The following STXBP5 variants were observed in gnomAD, a reference collection of about 807,000 sequenced individuals.
The protein encoded by STXBP5 is syntaxin binding protein 5.
Under a neutral mutation model 152.4 loss-of-function variants are expected in STXBP5, and 50 were observed. The ratio of observed to expected loss-of-function variants is 0.33; its 90% CI spans 0.26 to 0.42. STXBP5 has a LOEUF of 0.42. Ranked by LOEUF, STXBP5 falls within the 10% of genes least tolerant of loss-of-function variation. The pLI is 1.00. For synonymous variants in STXBP5, 492 were observed against 494.7 expected (o/e 0.99, Z 0.07); for missense variants, 1,167 against 1,388.6 (o/e 0.84, Z 2.54).
intron 19 of STXBP5, among the ~76,000 whole-genome samples, chr6:147,335,882 G>C (rs551743551): frequency 2.9e-4 from 44 of 152,298 alleles, no homozygotes; most frequent in Non-Finnish European, 3.4e-4. Context: ...ACATGGTTCA[G>C]CATTTTCAAA....
intron 2 of STXBP5, among the ~76,000 whole-genome samples, chr6:147,219,643 A>G (rs1239082003): frequency 2.6e-5 from 4 of 151,998 alleles, no homozygotes; most frequent in African/African-American, 7.2e-5. Context: ...TGGTCGGTCC[A>G]TTTCATCTGT....
intron 10 of STXBP5, among the ~76,000 whole-genome samples, chr6:147,310,601 C>T (rs1190428704): frequency 6.6e-6 from 1 of 152,030 alleles, no homozygotes; most frequent in Non-Finnish European, 1.5e-5. Flanking sequence ...TGGGGGCTGG[C>T]CAGTCTGAAA....
At chr6:147,348,687 A>G (rs556193082) in intron 21 of STXBP5, among the ~76,000 whole-genome samples, 1 of 152,194 alleles carries the variant, frequency 6.6e-6, no homozygotes, top group Admixed American at 6.5e-5. Flanking sequence ...ATTTCCTCCT[A>G]TAAAACTCTA....
chr6:147,296,346 A>T (rs1464224032), intron 9 of STXBP5, among the ~76,000 whole-genome samples: 2 of 152,174 alleles, frequency 1.3e-5, no homozygotes, highest in Non-Finnish European at 2.9e-5. Flanking sequence ...TCTACAACCT[A>T]AGCCACTAAG....
intron 17 of STXBP5, among the ~76,000 whole-genome samples, chr6:147,325,964 TA>T (rs1477999562): frequency 2.0e-5 from 3 of 152,224 alleles, no homozygotes; most frequent in Non-Finnish European, 4.4e-5. Flanking sequence ...GTATTAGGTA[TA>T]TGTAAATAAT....
At chr6:147,234,910 C>T (rs2115174663) in intron 2 of STXBP5, among the ~76,000 whole-genome samples, 1 of 152,048 alleles carries the variant, frequency 6.6e-6, no homozygotes, top group East Asian at 1.9e-4. Flanking sequence ...TTCTATAGAT[C>T]CAACCACCTT....
intron 2 of STXBP5, among the ~76,000 whole-genome samples, chr6:147,207,065 G>A (rs1776604248): frequency 6.6e-6 from 1 of 151,970 alleles, no homozygotes; most frequent in Non-Finnish European, 1.5e-5. Context: ...AGAAATATAC[G>A]ATAGGGGAGG....
At position 147,260,679 on chromosome 6, in the gene STXBP5, A is replaced by G; in HGVS notation, c.496A>G (p.Ile166Val). The G allele has an allele frequency of 1.2e-6, 2 of 1,613,740 alleles. No individual in the cohort carries two copies. The highest frequency in any genetic ancestry group is 1.7e-6 in the Non-Finnish European group (2 of 1,179,754). The change falls in exon 5 of 28, where the codon ATA becomes GTA. Residue 166 changes from isoleucine to valine, a missense_variant. Physicochemically the swap from Ile to Val is conservative, Grantham distance 29. Around this residue, in one of 3 missense-constraint regions of STXBP5, gnomAD observed 310 missense variants for 346.1 expected, o/e 0.90. Coordinates refer to ENST00000321680, the MANE Select transcript of STXBP5 (RefSeq NM_001127715.4). ...CTATGTGGGCACTGAACGAGGTAAT[A>G]TACATATTGTCAATGTGGAGTCCTT... ...WLYVGTERGN[I>V]HIVNVESFTL...
intron 23 of STXBP5, among the ~76,000 whole-genome samples, chr6:147,360,579 G>T (rs1200811585): frequency 6.6e-6 from 1 of 151,946 alleles, no homozygotes; most frequent in Non-Finnish European, 1.5e-5. Flanking sequence ...TCAAGCAAAA[G>T]AATGCTATAA....
At position 147,280,870 on chromosome 6, in the gene STXBP5, A is replaced by C. The variant is rs571625167; in HGVS notation, c.838+2666A>C. ...TGGATTTTTTTCTGTGGCTGGTGTT[A>C]AAAATTAGGATGGTATTTGTGTAGT... On this transcript the variant is annotated intron_variant, in intron 8 of 27. Transcript: ENST00000321680. 2.6e-5 allele frequency among the ~76,000 whole-genome samples: 4 copies of C among 152,312 alleles called. No homozygotes were observed. The East Asian group carries it at 7.7e-4, about 29-fold the overall frequency.
In STXBP5 at chr6:147,297,349, G is replaced by A. The variant is rs143969103; in HGVS notation, c.917+6177G>A. ...CTGTCAGCTAAGAATACTGTACCCA[G>A]CAAAGCTATCCTTCAGAAATGAACG... On this transcript the variant is annotated intron_variant, in intron 9 of 27. Coordinates refer to ENST00000321680, the MANE Select transcript of STXBP5 (RefSeq NM_001127715.4). 3.7e-3 allele frequency among the ~76,000 whole-genome samples: 559 copies of A among 152,202 alleles called. 4 individuals carry two copies. Among genetic ancestry groups the A allele is most frequent in the Non-Finnish European group, 5.2e-3 (354 of 67,998 alleles).
At chr6:147,353,409 C>T in intron 22 of STXBP5, 36 bp downstream of exon 22, 1 of 1,394,726 alleles carries the variant, frequency 7.2e-7, no homozygotes, top group Non-Finnish European at 9.7e-7. Flanking sequence ...ATTTAACTCC[C>T]TATAATGGGA....
intron 4 of STXBP5, among the ~76,000 whole-genome samples, chr6:147,246,585 A>G (rs1407633262): frequency 3.3e-5 from 5 of 152,162 alleles, no homozygotes; most frequent in African/African-American, 1.2e-4. Flanking sequence ...TAAAGTTAAT[A>G]TATTTCTAAA....
chr6:147,240,051 T>C (rs962307456), intron 4 of STXBP5, among the ~76,000 whole-genome samples: 14 of 152,112 alleles, frequency 9.2e-5, no homozygotes, highest in Admixed American at 7.9e-4. Flanking sequence ...CAAGTGATTC[T>C]CATGCCTCAG....
At chr6:147,373,071 A>C (rs1231166689) in intron 25 of STXBP5, among the ~76,000 whole-genome samples, 1 of 152,100 alleles carries the variant, frequency 6.6e-6, no homozygotes, top group African/African-American at 2.4e-5. Flanking sequence ...CTTGCTGTTA[A>C]AAAGTTTTCT....
intron 4 of STXBP5, among the ~76,000 whole-genome samples, chr6:147,258,009 C>T (rs911177004): frequency 1.3e-5 from 2 of 152,148 alleles, no homozygotes; most frequent in African/African-American, 4.8e-5. Flanking sequence ...TGGGCCAGGC[C>T]AGGGTCTCCA....
chr6:147,216,537 C>G (rs1391314789), intron 2 of STXBP5, among the ~76,000 whole-genome samples: 1 of 152,076 alleles, frequency 6.6e-6, no homozygotes, highest in Non-Finnish European at 1.5e-5. Flanking sequence ...GAAATTTTAT[C>G]TACTTTTTGA....
At chr6:147,210,650 G>C (rs114664161) in intron 2 of STXBP5, among the ~76,000 whole-genome samples, 2,345 of 152,168 alleles carry the variant, frequency 0.015, 58 homozygotes, top group African/African-American at 0.054. Context: ...CACACTTCCA[G>C]GTGCCCCTGG....
chr6:147,353,629 A>G (rs1458286156), intron 22 of STXBP5, among the ~76,000 whole-genome samples: 1 of 152,208 alleles, frequency 6.6e-6, no homozygotes, highest in East Asian at 1.9e-4. Context: ...AACAGAACTT[A>G]GCATAAGATT....
Sources: gnomAD v4.1 joint callset for allele counts (sites outside exome capture counted in the v4.1 genomes callset) on GRCh38, gnomAD v4.1.1 for gene constraint, gnomAD v4.1.1 regional missense constraint, MANE v1.5 for transcripts, NCBI Gene and HGNC (gene_info 2026-07-23, HGNC 2026-07-21) for gene names.